The following ANKRD33B variants were observed in gnomAD, a reference collection of about 807,000 sequenced individuals.
ANKRD33B encodes the protein ankyrin repeat domain-containing protein 33B.
A neutral mutation model predicts 21.5 loss-of-function variants in ANKRD33B; 6 were observed. That is an observed-to-expected ratio of 0.28 (90% CI 0.15 to 0.55). The LOEUF is 0.55. Among genes scored for constraint, ANKRD33B ranks in the 20% least tolerant of loss-of-function variants. The probability of loss-of-function intolerance (pLI) is 0.94; values close to 1 mark genes in which losing one functional copy is unlikely to be tolerated. For synonymous variants in ANKRD33B, 347 were observed against 342.4 expected (o/e 1.01, Z -0.15); for missense variants, 698 against 747.2 (o/e 0.93, Z 0.77).
At chr5:10,605,163 G>A (rs915315580) in intron 1 of ANKRD33B, among the ~76,000 whole-genome samples, 10 of 152,226 alleles carry the variant, frequency 6.6e-5, no homozygotes, top group Non-Finnish European at 2.9e-5. Context: ...TCCACAGGGC[G>A]TGGCGGCCGG....
At chr5:10,571,438 G>A (rs1735185433) in intron 1 of ANKRD33B, among the ~76,000 whole-genome samples, 1 of 152,140 alleles carries the variant, frequency 6.6e-6, no homozygotes, top group African/African-American at 2.4e-5. Flanking sequence ...CTGACCTCAG[G>A]TGATTCACCC....
In ANKRD33B at chr5:10,619,466, A is replaced by G. The variant is rs1736364582; in HGVS notation, c.496+1004A>G. On this transcript the variant is annotated intron_variant, in intron 2 of 3. Coordinates refer to ENST00000296657, the MANE Select transcript of ANKRD33B (RefSeq NM_001164440.2). This position sits in a 1 kb window ranked among gnomAD's most constrained non-coding sequence, Gnocchi z 4.5. Reference sequence around the variant, plus strand: ...TGTTGCTTCACAAGCTCCTGGACCAAAGCCACCCTGGGTGGATCTGATGGG... The same window carrying G: ...TGTTGCTTCACAAGCTCCTGGACCAGAGCCACCCTGGGTGGATCTGATGGG... The G allele has an allele frequency of 1.2e-6, 1 of 839,504 alleles. No homozygotes were observed. The highest frequency in any genetic ancestry group is 1.8e-5 in the African/African-American group (1 of 54,294). 52.0% of individuals were successfully genotyped at this position (839,504 alleles called of 1,614,324 possible). A position where few individuals can be genotyped will look rare whatever the true frequency, so the allele number is the denominator to read the frequency against.
Position 10,576,309 on chromosome 5 carries a change from C to T in ANKRD33B, c.366+11476C>T, listed in dbSNP as rs1264577722. Among the ~76,000 whole-genome samples the T allele has an allele frequency of 6.6e-6, 1 of 152,178 alleles. No individual in the cohort carries two copies. The highest frequency in any genetic ancestry group is 1.5e-5 in the Non-Finnish European group (1 of 68,036). On this transcript the variant is annotated intron_variant, in intron 1 of 3. Transcript: ENST00000296657. The surrounding 1 kb of genome is among the most constrained non-coding windows in gnomAD (Gnocchi z 4.1). ...CACTGGAAATATTGGGCAACAGAAC[C>T]TGGCTGCCTTCACTGTGGTTCATGG...
chr5:10,623,613 A>C (rs950568162), intron 2 of ANKRD33B, among the ~76,000 whole-genome samples: 1 of 152,234 alleles, frequency 6.6e-6, no homozygotes, highest in Non-Finnish European at 1.5e-5. Context: ...AGAAACATTC[A>C]GACTGTGGCA....
chr5:10,594,011 G>A (rs545889431), intron 1 of ANKRD33B, among the ~76,000 whole-genome samples: 19 of 152,222 alleles, frequency 1.2e-4, no homozygotes, highest in East Asian at 1.2e-3. Flanking sequence ...ACTCAACAGC[G>A]AGGAGTAACC....
Position 10,654,516 on chromosome 5 carries a change from C to T in ANKRD33B, c.*4403C>T, listed in dbSNP as rs1006054679. The T allele has an allele frequency of 7.2e-5, 11 of 152,356 alleles. No homozygotes were observed. Among genetic ancestry groups the T allele is most frequent in the African/African-American group, 2.2e-4 (9 of 41,450 alleles). The allele number at this position is 152,356 out of a possible 1,614,324, so 9.4% of individuals were successfully genotyped here. On this transcript the variant is annotated 3_prime_UTR_variant, in exon 4 of 4. Coordinates refer to ENST00000296657, the MANE Select transcript of ANKRD33B (RefSeq NM_001164440.2). ...AGAAGAAATATTTCTCAGACAATGTCGATGCTGCTGATGACAACTGAGATG... is the reference window on the plus strand; with the variant it reads ...AGAAGAAATATTTCTCAGACAATGTTGATGCTGCTGATGACAACTGAGATG...
At position 10,649,585 on chromosome 5, in the gene ANKRD33B, C is replaced by G. The variant is rs1387425986; in HGVS notation, c.957C>G (p.Ala319=). 6.5e-7 allele frequency: 1 copy of G among 1,528,358 alleles called. No homozygotes were observed. Among genetic ancestry groups the G allele is most frequent in the African/African-American group, 1.4e-5 (1 of 72,912 alleles). 94.7% of individuals were successfully genotyped at this position (1,528,358 alleles called of 1,614,324 possible). Residue 319 remains alanine (A), a synonymous_variant, in exon 4 of 4, where the codon GCC becomes GCG. Coordinates refer to ENST00000296657, the MANE Select transcript of ANKRD33B (RefSeq NM_001164440.2). ...TGACCACGAGCCTCTACAGCCCCGCCGTGGCCATCGTGTGCCAGACCGTGT... is the reference window on the plus strand; with the variant it reads ...TGACCACGAGCCTCTACAGCCCCGCGGTGGCCATCGTGTGCCAGACCGTGT... ...VRMTTSLYSP[A]VAIVCQTVCP...
In ANKRD33B at chr5:10,566,275, C is replaced by T. The variant is rs989539677; in HGVS notation, c.366+1442C>T. Among the ~76,000 whole-genome samples, 5 of 152,322 alleles carry T rather than the reference C, an allele frequency of 3.3e-5. No homozygotes were observed. The South Asian group carries it at 1.0e-3, about 32-fold the overall frequency. ...TGCCATTCCTCTTGCAATGCCTCCT[C>T]CCCCAGCCCTGGCGACAGATGCCCT... On this transcript the variant is annotated intron_variant, in intron 1 of 3. Transcript: ENST00000296657.
rs1736366457 is a variant in ANKRD33B, at chr5:10,619,532, T to C, written c.496+1070T>C. ...GCTGGAAAACCAGTGTTTGACAGTT[T>C]CATCCCCTGTGGTGGGAGTGGTCTG... On this transcript the variant is annotated intron_variant, in intron 2 of 3. Transcript: ENST00000296657. The surrounding 1 kb of genome is among the most constrained non-coding windows in gnomAD (Gnocchi z 4.5). Among the ~76,000 whole-genome samples, 1 of 152,214 alleles carries C rather than the reference T, an allele frequency of 6.6e-6. No homozygotes were observed. The highest frequency in any genetic ancestry group is 2.4e-5 in the African/African-American group (1 of 41,454).
intron 1 of ANKRD33B, among the ~76,000 whole-genome samples, chr5:10,605,665 A>G (rs1736031436): frequency 6.6e-6 from 1 of 151,998 alleles, no homozygotes; most frequent in African/African-American, 2.4e-5. Context: ...AGTAGCTGGG[A>G]TTACAGGCAC....
chr5:10,606,085 G>T (rs1244930113), intron 1 of ANKRD33B, among the ~76,000 whole-genome samples: 1 of 152,182 alleles, frequency 6.6e-6, no homozygotes, highest in African/African-American at 2.4e-5. Context: ...AATTAGATGA[G>T]CCTCTGAGAT....
chr5:10,645,155 T>C (rs1204865186), intron 3 of ANKRD33B, among the ~76,000 whole-genome samples: 1 of 152,174 alleles, frequency 6.6e-6, no homozygotes, highest in African/African-American at 2.4e-5. Context: ...TGCATCCAGA[T>C]TTGTCATCCC....
intron 2 of ANKRD33B, among the ~76,000 whole-genome samples, chr5:10,631,875 GTC>G (rs1332266112): frequency 1.3e-5 from 2 of 152,230 alleles, no homozygotes; most frequent in Non-Finnish European, 2.9e-5. Context: ...CATGGCCAGT[GTC>G]TCTCATGAGG....
At chr5:10,577,996 C>T (rs956836048) in intron 1 of ANKRD33B, among the ~76,000 whole-genome samples, 3 of 152,192 alleles carry the variant, frequency 2.0e-5, no homozygotes, top group Admixed American at 6.5e-5. Context: ...AGGAAGCTGG[C>T]ACAGCCTGTG....
intron 1 of ANKRD33B, among the ~76,000 whole-genome samples, chr5:10,609,872 G>A (rs1193347023): frequency 6.6e-6 from 1 of 152,142 alleles, no homozygotes; most frequent in Non-Finnish European, 1.5e-5. Flanking sequence ...TTGTGCCATT[G>A]CACTATAGCC....
rs903104149 is a variant in ANKRD33B at position 10,619,383 on chromosome 5, G to A, written c.496+921G>A. ...GGAAGTGCCCCCGACCACACTGTATGTTGATTCTGGTTGGGAAATGGCTGT... is the reference window on the plus strand; with the variant it reads ...GGAAGTGCCCCCGACCACACTGTATATTGATTCTGGTTGGGAAATGGCTGT... On this transcript the variant is annotated intron_variant, in intron 2 of 3. Transcript: ENST00000296657. The surrounding 1 kb of genome is among the most constrained non-coding windows in gnomAD (Gnocchi z 4.5). 25 of 985,270 alleles carry A rather than the reference G, an allele frequency of 2.5e-5. No homozygotes were observed. In the African/African-American group the frequency reaches 4.2e-4, roughly 17 times the overall value. The allele number at this position is 985,270 out of a possible 1,614,324, so 61.0% of individuals were successfully genotyped here.
Position 10,649,723 on chromosome 5 carries a change from G to C in ANKRD33B, c.1095G>C (p.Ala365=). 1 of 1,494,584 alleles carries C rather than the reference G, an allele frequency of 6.7e-7. No homozygotes were observed. The highest frequency in any genetic ancestry group is 8.9e-7 in the Non-Finnish European group (1 of 1,126,038). 92.6% of individuals were successfully genotyped at this position (1,494,584 alleles called of 1,614,324 possible). A position where few individuals can be genotyped will look rare whatever the true frequency, so the allele number is the denominator to read the frequency against. ...AGGAGGAGGATGAGGTGGGGGGCGC[G>C]GGGCAGCGCGGGCGGACCGGACAGG... ...QAQEEDEVGG[A]GQRGRTGQED... The change falls in exon 4 of 4, where the codon GCG becomes GCC. Residue 365 remains alanine (A), a synonymous_variant. Transcript: ENST00000296657.
chr5:10,615,859 C>T (rs192976012), intron 1 of ANKRD33B, among the ~76,000 whole-genome samples: 56 of 152,250 alleles, frequency 3.7e-4, no homozygotes, highest in South Asian at 1.7e-3. Context: ...CACATTTATG[C>T]GAAAGCAGGT....
intron 1 of ANKRD33B, among the ~76,000 whole-genome samples, chr5:10,586,367 A>G (rs936586860): frequency 5.3e-5 from 8 of 152,168 alleles, no homozygotes; most frequent in African/African-American, 1.7e-4. Flanking sequence ...ACAGCCCTAT[A>G]TGAAGAAGAA....
Sources: allele counts gnomAD v4.1 joint callset (sites outside exome capture counted in the v4.1 genomes callset), GRCh38; gene constraint gnomAD v4.1.1; non-coding constraint Gnocchi (gnomAD v3.1); transcripts MANE v1.5; gene names NCBI Gene and HGNC (gene_info 2026-07-23, HGNC 2026-07-21).